Variants in FANK1 observed in about 807,000 individuals in gnomAD.
FANK1 encodes fibronectin type 3 and ankyrin repeat domains protein 1.
In FANK1, 44 loss-of-function variants were observed where a neutral mutation model predicts 45.3. The ratio of observed to expected loss-of-function variants is 0.97; its 90% confidence interval spans 0.76 to 1.25. The LOEUF is 1.25. Among genes scored for constraint, FANK1 ranks in the 50% most tolerant of loss-of-function variants. The probability of loss-of-function intolerance (pLI) is 0.00; values close to 1 mark genes in which losing one functional copy is unlikely to be tolerated. For synonymous variants in FANK1, 149 were observed against 152.5 expected (o/e 0.98, Z 0.17); for missense variants, 391 against 424.4 (o/e 0.92, Z 0.69).
chr10:125,944,827 C>G (rs1160674561), intron 1 of FANK1, among the ~76,000 whole-genome samples: 2 of 152,202 alleles, frequency 1.3e-5, no homozygotes, highest in South Asian at 2.1e-4. Flanking sequence ...AGAAACAATG[C>G]TAATGACTGG....
At chr10:125,973,362 T>C (rs1218259106) in intron 1 of FANK1, 1 of 890,584 alleles carries the variant, frequency 1.1e-6, no homozygotes, top group Non-Finnish European at 1.3e-6. Flanking sequence ...ATTCCTGGTG[T>C]TTGGTTTTAG....
intron 1 of FANK1, among the ~76,000 whole-genome samples, chr10:125,939,736 T>A (rs1948325995): frequency 6.6e-6 from 1 of 152,136 alleles, no homozygotes; most frequent in Non-Finnish European, 1.5e-5. Context: ...TGAAGAGGCA[T>A]TCATAAGTCT....
Position 125,971,918 on chromosome 10 carries a change from C to T in FANK1, c.14-8243C>T, listed in dbSNP as rs147339307. Among the ~76,000 whole-genome samples the T allele has an allele frequency of 2.4e-4, 37 of 152,240 alleles. No individual in the cohort carries two copies. In the East Asian group the frequency reaches 2.7e-3, roughly 11 times the overall value. Reference sequence around the variant, plus strand: ...CTGGGATTACAGGTGTGAGCCACTGCGCCCGGCCGCTCCGGTCTACATTTT... The same window carrying T: ...CTGGGATTACAGGTGTGAGCCACTGTGCCCGGCCGCTCCGGTCTACATTTT... On this transcript the variant is annotated intron_variant, in intron 1 of 10. Coordinates refer to ENST00000368693, the MANE Select transcript of FANK1 (RefSeq NM_145235.5).
In FANK1 at chr10:125,923,734, C is replaced by G. The variant is rs558911044; in HGVS notation, c.13+27079C>G. Among the ~76,000 whole-genome samples, 4 of 152,050 alleles carry G rather than the reference C, an allele frequency of 2.6e-5. No homozygotes were observed. In the South Asian group the frequency reaches 8.3e-4, roughly 32 times the overall value. ...GTAGAGACAGGGTTTTGCCATGTTG[C>G]CCAGGCTGGTCTCAAACTCCTGAAC... On this transcript the variant is annotated intron_variant, in intron 1 of 10. Transcript: ENST00000368693.
chr10:125,999,696 A>T (rs532117703), intron 6 of FANK1, among the ~76,000 whole-genome samples: 23 of 152,328 alleles, frequency 1.5e-4, no homozygotes, highest in Non-Finnish European at 3.2e-4. Flanking sequence ...TGGGCAGGCT[A>T]CCTAACCTCT....
intron 2 of FANK1, among the ~76,000 whole-genome samples, chr10:125,986,356 T>G (rs10901497): frequency 0.62 from 94,340 of 151,990 alleles, 29,967 homozygotes; most frequent in Non-Finnish European, 0.68. Context: ...AACAGGATCA[T>G]TGAACGTTCA....
intron 1 of FANK1, among the ~76,000 whole-genome samples, chr10:125,940,828 G>T (rs1387648489): frequency 6.6e-6 from 1 of 152,184 alleles, no homozygotes; most frequent in Non-Finnish European, 1.5e-5. Flanking sequence ...GGAGAATGGC[G>T]ATGACTTTTA....
intron 1 of FANK1, among the ~76,000 whole-genome samples, chr10:125,905,683 ACT>A (rs1945441106): frequency 6.6e-6 from 1 of 152,068 alleles, no homozygotes; most frequent in South Asian, 2.1e-4. Context: ...TTGGGAGATA[ACT>A]CCCCCCTCTT....
chr10:125,934,724 GTTTTTTTTTTTTTTTTTTTTTTTTTTT>G (rs145182884), intron 1 of FANK1, among the ~76,000 whole-genome samples: 2 of 26,418 alleles, frequency 7.6e-5, no homozygotes, highest in African/African-American at 2.5e-4. Context: ...TACCCCTACC[GTTTTTTTTTTTTTTTTTTTTTTTTTTT>G]TTTTTTTTTT....
At chr10:125,944,764 G>A (rs1323769604) in intron 1 of FANK1, among the ~76,000 whole-genome samples, 4 of 152,116 alleles carry the variant, frequency 2.6e-5, no homozygotes, top group Admixed American at 1.3e-4. Context: ...CCTTTAATTC[G>A]GCCCATCCCT....
chr10:125,999,723 T>C (rs1327661109), intron 6 of FANK1, among the ~76,000 whole-genome samples: 1 of 152,184 alleles, frequency 6.6e-6, no homozygotes, highest in Non-Finnish European at 1.5e-5. Flanking sequence ...CTCAGTTTCA[T>C]GTCTGTAAAA....
At chr10:125,990,698 T>C (rs1243016019) in intron 3 of FANK1, among the ~76,000 whole-genome samples, 1 of 152,078 alleles carries the variant, frequency 6.6e-6, no homozygotes, top group Non-Finnish European at 1.5e-5. Flanking sequence ...TGGAGTACCA[T>C]TTGGAGCAAT....
In FANK1 at chr10:125,988,651, C is replaced by A; in HGVS notation, c.292C>A (p.Pro98Thr). The change falls in exon 3 of 11, where the codon CCA becomes ACA. Residue 98 changes from proline to threonine, a missense_variant. Pro to Thr is a conservative substitution (Grantham distance 38, BLOSUM62 -1). Coordinates refer to ENST00000368693, the MANE Select transcript of FANK1 (RefSeq NM_145235.5). ...CCCCTCTGGGGAGTGTGAGTACAGC[C>A]CACTCGTCTCAGTGTCTACAACCAG... ...TSPSGECEYS[P>T]LVSVSTTREP... 6.2e-7 allele frequency: 1 copy of A among 1,614,106 alleles called. No individual in the cohort carries two copies. The highest frequency in any genetic ancestry group is 1.1e-5 in the South Asian group (1 of 91,068).
At chr10:125,920,785 G>T (rs1178654670) in intron 1 of FANK1, among the ~76,000 whole-genome samples, 1 of 151,994 alleles carries the variant, frequency 6.6e-6, no homozygotes, top group Non-Finnish European at 1.5e-5. Context: ...TTTTTTAAAA[G>T]GTTTAATATG....
chr10:125,969,723 A>G lies in FANK1; in HGVS notation c.14-10438A>G, dbSNP rs145754126. Among the ~76,000 whole-genome samples the G allele has an allele frequency of 1.7e-3, 252 of 152,296 alleles. 1 individual carries two copies. The highest frequency in any genetic ancestry group is 8.9e-3 in the South Asian group (43 of 4,820). Reference sequence around the variant, plus strand: ...ACAATAGTGGAGAGAAGGTCAGCAGATAAACATGTGAACAAAGGTCTCTGG... The same window carrying G: ...ACAATAGTGGAGAGAAGGTCAGCAGGTAAACATGTGAACAAAGGTCTCTGG... On this transcript the variant is annotated intron_variant, in intron 1 of 10. Transcript: ENST00000368693.
chr10:125,982,583 A>G (rs10794048), intron 2 of FANK1, among the ~76,000 whole-genome samples: 59,998 of 152,132 alleles, frequency 0.39, 12,023 homozygotes, highest in South Asian at 0.46. Flanking sequence ...TAAAACTAGC[A>G]AATGCTTTTC....
intron 1 of FANK1, among the ~76,000 whole-genome samples, chr10:125,909,269 C>A (rs1945792581): frequency 6.6e-6 from 1 of 152,162 alleles, no homozygotes; most frequent in African/African-American, 2.4e-5. Context: ...GAGAACTACA[C>A]AAGGCCTGGA....
At chr10:125,972,676 G>C (rs1011993937) in intron 1 of FANK1, 1 of 152,174 alleles carries the variant, frequency 6.6e-6, no homozygotes, top group African/African-American at 2.4e-5. Flanking sequence ...TTTACATCTT[G>C]ATGAGTTTTG....
At chr10:125,977,006 A>G (rs1950895449) in intron 1 of FANK1, among the ~76,000 whole-genome samples, 1 of 151,916 alleles carries the variant, frequency 6.6e-6, no homozygotes, top group Non-Finnish European at 1.5e-5. Context: ...TTCAGCTTCT[A>G]TATCATTTTA....
Sources: gnomAD v4.1 joint callset for allele counts (sites outside exome capture counted in the v4.1 genomes callset) on GRCh38, gnomAD v4.1.1 for gene constraint, MANE v1.5 for transcripts, NCBI Gene and HGNC (gene_info 2026-07-23, HGNC 2026-07-21) for gene names.